ZAN: variants seen among roughly 807,000 people sequenced by gnomAD.
ZAN encodes zonadhesin (gene/pseudogene).
Under a neutral mutation model 286.2 loss-of-function variants are expected in ZAN, and 260 were observed. The observed-to-expected ratio is 0.91, with a 90% CI of 0.82 to 1.01. ZAN has a LOEUF of 1.01. Ranked by LOEUF, ZAN falls within the 50% of genes least tolerant of loss-of-function variation. The pLI is 0.00. For synonymous variants in ZAN, 1,368 were observed against 1,417.5 expected (o/e 0.97, Z 0.79); for missense variants, 3,410 against 3,639.2 (o/e 0.94, Z 1.62).
intron 45 of ZAN, among the ~76,000 whole-genome samples, chr7:100,796,046 C>T (rs1812341121): frequency 6.6e-6 from 1 of 152,090 alleles, no homozygotes; most frequent in African/African-American, 2.4e-5. Context: ...CGCTACTGCG[C>T]TCCAGCCTGG....
Position 100,792,469 on chromosome 7 carries a change from G to A in ZAN, c.7777G>A (p.Val2593Ile), listed in dbSNP as rs749384182. Residue 2593 changes from valine to isoleucine, a missense_variant, in exon 42 of 48, where the codon GTC (valine) becomes ATC (isoleucine). Coordinates refer to ENST00000613979, the MANE Select transcript of ZAN (RefSeq NM_003386.3). The part of the protein sequence containing the change: ...PREQEELRCQ[V>I]LSGHGVSSRY... ...AGAGCAAGAGGAGCTGCGTTGCCAG[G>A]TCCTCAGTGGGTACGCCATCCTCTG... 2.4e-5 allele frequency: 39 copies of A among 1,613,758 alleles called. No homozygotes were observed. The highest frequency in any genetic ancestry group is 3.0e-5 in the Non-Finnish European group (35 of 1,179,868).
chr7:100,773,966 T>C, intron 31 of ZAN, 101 bp downstream of exon 31: 1 of 1,464,300 alleles, frequency 6.8e-7, no homozygotes, highest in Non-Finnish European at 9.1e-7. Context: ...GTTTCAGGTT[T>C]TGACTGGTAA....
At chr7:100,791,882 C>T in intron 40 of ZAN, 84 bp from the exon 41 acceptor site, 1 of 1,461,560 alleles carries the variant, frequency 6.8e-7, no homozygotes, top group Non-Finnish European at 9.1e-7. Context: ...CAGCCACCAC[C>T]ATGCCCGGCT....
Position 100,758,674 on chromosome 7 carries a change from G to A in ZAN, c.3571+24G>A, listed in dbSNP as rs762719356. 24 of 1,548,516 alleles carry A rather than the reference G, an allele frequency of 1.5e-5. No individual in the cohort carries two copies. The East Asian group carries it at 4.2e-4, about 27-fold the overall frequency. ...AGGTAGGCCCTGGAGATGCCACTGCGGCCTGGGGGGAGGGTCTGTGGGCAG... is the reference window on the plus strand; with the variant it reads ...AGGTAGGCCCTGGAGATGCCACTGCAGCCTGGGGGGAGGGTCTGTGGGCAG... On this transcript the variant is annotated intron_variant, in intron 17 of 47. Transcript: ENST00000613979.
chr7:100,771,115 T>C (rs1810341551), intron 28 of ZAN, among the ~76,000 whole-genome samples: 1 of 151,880 alleles, frequency 6.6e-6, no homozygotes, highest in African/African-American at 2.4e-5. Context: ...AATTTTTAAA[T>C]ATTTTCTGGA....
Position 100,786,160 on chromosome 7 carries a change from G to A in ZAN, c.6979+19G>A, listed in dbSNP as rs768206815. The A allele has an allele frequency of 6.2e-7, 1 of 1,613,398 alleles. No homozygotes were observed. The highest frequency in any genetic ancestry group is 1.1e-5 in the South Asian group (1 of 91,046). On this transcript the variant is annotated intron_variant, in intron 37 of 47. Coordinates refer to ENST00000613979, the MANE Select transcript of ZAN (RefSeq NM_003386.3). ...TCAGACAGTAAGGGGAGCGACCGGG[G>A]AGGTTGGAGAGGGGAGCACCTGTGG...
At chr7:100,783,787 C>T (rs1656062) in intron 35 of ZAN, among the ~76,000 whole-genome samples, 974 of 10,714 alleles carry the variant, frequency 0.091, 83 homozygotes, top group African/African-American at 0.18. Context: ...TATATATACA[C>T]ATATATATAT....
chr7:100,792,597 T>C, intron 42 of ZAN, 118 bp downstream of exon 42: 1 of 1,523,206 alleles, frequency 6.6e-7, no homozygotes, highest in Non-Finnish European at 8.8e-7. Flanking sequence ...CGTCCACCTC[T>C]GCTGAACGCT....
chr7:100,741,573 C>A (rs7796102), intron 7 of ZAN, among the ~76,000 whole-genome samples: 41 of 23,188 alleles, frequency 1.8e-3, no homozygotes, highest in African/African-American at 4.3e-3. Context: ...CCGACACCCC[C>A]ACCTCCCTCC....
intron 34 of ZAN, among the ~76,000 whole-genome samples, chr7:100,776,968 G>A (rs570803734): frequency 2.8e-4 from 41 of 148,344 alleles, no homozygotes; most frequent in African/African-American, 8.6e-4. Context: ...TTCTGACCTC[G>A]TGATCCACCC....
rs376261320 is a variant in ZAN at position 100,775,321 on chromosome 7, C to T, written c.5780-7C>T. On this transcript the variant is annotated splice_region_variant and splice_polypyrimidine_tract_variant and intron_variant, in intron 31 of 47. Transcript: ENST00000613979. ...GTCATAGCCCAGCTGTCTCTCTGTC[C>T]TCCCAGGTGTGGGAGTGTGTCAGCT... 19 of 1,612,234 alleles carry T rather than the reference C, an allele frequency of 1.2e-5. No individual in the cohort carries two copies. The African/African-American group carries it at 1.7e-4, about 15-fold the overall frequency.
intron 40 of ZAN, 150 bp downstream of exon 40, chr7:100,791,263 A>C: frequency 1.8e-6 from 2 of 1,095,780 alleles, no homozygotes; most frequent in Non-Finnish European, 2.5e-6. Context: ...ATTCCCTCTC[A>C]TCTGACTCTG....
chr7:100,772,861 T>G (rs77155187), intron 29 of ZAN, among the ~76,000 whole-genome samples: 1 of 74,088 alleles, frequency 1.3e-5, no homozygotes. Flanking sequence ...TTATGTCTGT[T>G]TTTTTTTTGT....
chr7:100,770,627 C>A (rs1415998053), intron 28 of ZAN, among the ~76,000 whole-genome samples: 1 of 151,716 alleles, frequency 6.6e-6, no homozygotes, highest in Non-Finnish European at 1.5e-5. Flanking sequence ...GGATGACAGG[C>A]ATAAGCCACC....
rs367873457 is a variant in ZAN, at chr7:100,775,536, C to T, written c.5988C>T (p.Tyr1996=). 7.5e-5 allele frequency: 121 copies of T among 1,613,896 alleles called. No homozygotes were observed. The African/African-American group carries it at 7.7e-4, about 10-fold the overall frequency. ...FRLHEVYIDI[Y]DAQVTLQKGH... Reference sequence around the variant, plus strand: ...TTCATGAGGTCTACATTGACATCTACGATGCCCAGGTCACCCTGCAGAAGG... The same window carrying T: ...TTCATGAGGTCTACATTGACATCTATGATGCCCAGGTCACCCTGCAGAAGG... Residue 1996 remains tyrosine, a synonymous_variant, in exon 32 of 48, where the codon TAC becomes TAT. Transcript: ENST00000613979.
Position 100,755,277 on chromosome 7 carries a change from G to A in ZAN, c.3176G>A (p.Cys1059Tyr), listed in dbSNP as rs369066219. 3 of 1,613,734 alleles carry A rather than the reference G, an allele frequency of 1.9e-6. No individual in the cohort carries two copies. The highest frequency in any genetic ancestry group is 1.3e-5 in the African/African-American group (1 of 74,928). ...GAATCCTGTGCTTGTCCTGCTTCGT[G>A]CAAGAGCCCCAGGCCTAGCTGTGGG... is the stretch of plus-strand genomic sequence containing the variant. ...RYESCACPAS[C>Y]KSPRPSCGPL... is the part of the protein sequence containing the mutation. Residue 1059 changes from cysteine to tyrosine, a missense_variant, in exon 15 of 48, where the codon TGC becomes TAC. Coordinates refer to ENST00000613979, the MANE Select transcript of ZAN (RefSeq NM_003386.3).
intron 6 of ZAN, among the ~76,000 whole-genome samples, chr7:100,738,143 G>A (rs1380943093): frequency 7.2e-6 from 1 of 139,676 alleles, no homozygotes; most frequent in Non-Finnish European, 1.6e-5. Context: ...GTTTAGTAGA[G>A]CCGGGGTTTC....
intron 25 of ZAN, 106 bp downstream of exon 25, chr7:100,767,363 C>A: frequency 6.7e-7 from 1 of 1,488,498 alleles, no homozygotes; most frequent in Non-Finnish European, 8.9e-7. Context: ...CCTTAGAGCA[C>A]CTGGGAAGCA....
In ZAN at chr7:100,737,331, CG is replaced by C; in HGVS notation, c.599del (p.Gly200AlafsTer8). The C allele has an allele frequency of 6.8e-7, 1 of 1,474,746 alleles. No homozygotes were observed. Among genetic ancestry groups the C allele is most frequent in the African/African-American group, 1.4e-5 (1 of 69,858 alleles). 91.4% of individuals were successfully genotyped at this position (1,474,746 alleles called of 1,614,324 possible). On this transcript the variant is annotated frameshift_variant, in exon 6 of 48. Transcript: ENST00000613979. LOFTEE classifies it high-confidence loss of function. The part of the protein sequence containing the change: ...DIALDALSIR[R>X]GSCNRVCMMQ... ...CGCCCTGGATGCCCTCTCTATCCGC[CG>C]GGGCTCCTGTAATCGCGGTGAGTCC...
Sources: allele counts gnomAD v4.1 joint callset (sites outside exome capture counted in the v4.1 genomes callset), GRCh38; gene constraint gnomAD v4.1.1; transcripts MANE v1.5; gene names NCBI Gene and HGNC (gene_info 2026-07-23, HGNC 2026-07-21).